The following XIRP2 variants were observed in gnomAD, a reference collection of about 807,000 sequenced individuals.
XIRP2 encodes the protein xin actin-binding repeat-containing protein 2.
Under a neutral mutation model 277.0 loss-of-function variants are expected in XIRP2, and 236 were observed. That is an observed-to-expected ratio of 0.85 (90% confidence interval 0.77 to 0.95). The LOEUF (loss-of-function observed/expected upper bound fraction) is 0.95, where lower values mean the gene tolerates loss of function less well. Ranked by LOEUF, XIRP2 falls within the 40% of genes least tolerant of loss-of-function variation. XIRP2 has a pLI of 0.00. For missense variants in XIRP2, 4,640 were observed against 4,157.5 expected (o/e 1.12, Z -3.19); for synonymous variants, 1,490 against 1,416.5 (o/e 1.05, Z -1.17).
intron 2 of XIRP2, among the ~76,000 whole-genome samples, chr2:167,052,208 C>A (rs548353024): frequency 6.6e-6 from 1 of 151,974 alleles, no homozygotes; most frequent in African/African-American, 2.4e-5. Context: ...TGTTCTTATT[C>A]TTTTTTTACA....
intron 2 of XIRP2, among the ~76,000 whole-genome samples, chr2:166,967,932 T>C (rs1283844773): frequency 2.0e-5 from 3 of 151,994 alleles, no homozygotes; most frequent in Non-Finnish European, 2.9e-5. Flanking sequence ...CCTTGTTCAA[T>C]CATAAGCCAT....
chr2:167,117,799 A>AT (rs768842461), intron 2 of XIRP2, among the ~76,000 whole-genome samples: 78 of 152,108 alleles, frequency 5.1e-4, no homozygotes, highest in Non-Finnish European at 8.4e-4. Context: ...AAGATGTTGA[A>AT]TTTTTTTCCC....
intron 2 of XIRP2, among the ~76,000 whole-genome samples, chr2:166,949,444 G>C (rs938557224): frequency 2.0e-5 from 3 of 152,038 alleles, no homozygotes; most frequent in Non-Finnish European, 4.4e-5. Context: ...TTGATAATTC[G>C]AGGTTGACTT....
intron 2 of XIRP2, among the ~76,000 whole-genome samples, chr2:167,031,227 C>T (rs556180030): frequency 2.6e-4 from 40 of 152,144 alleles, no homozygotes; most frequent in South Asian, 2.5e-3. Flanking sequence ...GAATTTGATT[C>T]TGTCATTATG....
At chr2:167,083,714 T>G (rs1689820198) in intron 2 of XIRP2, among the ~76,000 whole-genome samples, 1 of 152,232 alleles carries the variant, frequency 6.6e-6, no homozygotes, top group Non-Finnish European at 1.5e-5. Context: ...CAATTGTGAA[T>G]GGCAGTTCAC....
At chr2:167,092,376 C>T (rs1351847728) in intron 2 of XIRP2, among the ~76,000 whole-genome samples, 2 of 152,056 alleles carry the variant, frequency 1.3e-5, no homozygotes, top group African/African-American at 4.8e-5. Flanking sequence ...AAAGTCTTTA[C>T]CAATGAACTT....
intron 5 of XIRP2, among the ~76,000 whole-genome samples, chr2:167,225,321 A>AT (rs917292000): frequency 5.9e-5 from 9 of 152,120 alleles, no homozygotes; most frequent in Non-Finnish European, 1.0e-4. Context: ...AGGGATGTTG[A>AT]TTTTTTTCAA....
chr2:167,167,744 C>G (rs576551639), intron 3 of XIRP2, among the ~76,000 whole-genome samples: 1 of 152,060 alleles, frequency 6.6e-6, no homozygotes, highest in East Asian at 1.9e-4. Flanking sequence ...TACATTATTG[C>G]TATTATTATT....
At chr2:167,105,971 A>G (rs916213994) in intron 2 of XIRP2, among the ~76,000 whole-genome samples, 11 of 151,472 alleles carry the variant, frequency 7.3e-5, no homozygotes, top group Admixed American at 2.6e-4. Flanking sequence ...AATGCCTCTT[A>G]AGACTTTTGC....
At chr2:167,033,625 G>GAAAAC (rs528551814) in intron 2 of XIRP2, among the ~76,000 whole-genome samples, 292 of 151,682 alleles carry the variant, frequency 1.9e-3, no homozygotes, top group African/African-American at 6.6e-3. Flanking sequence ...TACAACAAGA[G>GAAAAC]AAAACAAAAC....
intron 2 of XIRP2, among the ~76,000 whole-genome samples, chr2:167,117,442 A>G (rs562438611): frequency 6.6e-6 from 1 of 152,344 alleles, no homozygotes; most frequent in East Asian, 1.9e-4. Flanking sequence ...AAAAAAAATC[A>G]TCCATTCACA....
intron 2 of XIRP2, among the ~76,000 whole-genome samples, chr2:166,941,949 G>A (rs148215081): frequency 2.1e-3 from 315 of 152,206 alleles, no homozygotes; most frequent in African/African-American, 6.7e-3. Context: ...GCAATATAAC[G>A]TATTTATCTG....
chr2:167,063,478 C>G (rs565426346), intron 2 of XIRP2, among the ~76,000 whole-genome samples: 2 of 151,960 alleles, frequency 1.3e-5, no homozygotes, highest in East Asian at 1.9e-4. Flanking sequence ...TGTACTTATT[C>G]TATCAATTAA....
intron 2 of XIRP2, among the ~76,000 whole-genome samples, chr2:167,110,951 T>C (rs1690734640): frequency 1.3e-5 from 2 of 152,138 alleles, no homozygotes; most frequent in Non-Finnish European, 2.9e-5. Context: ...TAGGATTGCA[T>C]TCCTGATTTG....
At chr2:167,165,993 AT>A (rs1692511596) in intron 3 of XIRP2, among the ~76,000 whole-genome samples, 2 of 152,166 alleles carry the variant, frequency 1.3e-5, no homozygotes, top group African/African-American at 2.4e-5. Context: ...TCCGTGATCC[AT>A]TAGAATTTTT....
intron 2 of XIRP2, among the ~76,000 whole-genome samples, chr2:166,980,211 G>A (rs1477121796): frequency 6.6e-6 from 1 of 151,666 alleles, no homozygotes; most frequent in Non-Finnish European, 1.5e-5. Context: ...ACCTAGTATT[G>A]GTAACTTATA....
At chr2:166,901,999 G>C (rs1684398836) in intron 1 of XIRP2, among the ~76,000 whole-genome samples, 1 of 151,956 alleles carries the variant, frequency 6.6e-6, no homozygotes, top group Non-Finnish European at 1.5e-5. Flanking sequence ...ACAGTTATTG[G>C]GGTGTTGAAT....
At chr2:167,056,108 C>T (rs1041355889) in intron 2 of XIRP2, among the ~76,000 whole-genome samples, 1 of 152,006 alleles carries the variant, frequency 6.6e-6, no homozygotes, top group Non-Finnish European at 1.5e-5. Context: ...GTTCCTCTTA[C>T]AGCACAAACA....
intron 2 of XIRP2, among the ~76,000 whole-genome samples, chr2:167,016,064 A>C (rs1687820396): frequency 6.6e-6 from 1 of 151,658 alleles, no homozygotes; most frequent in Admixed American, 6.6e-5. Context: ...CCAAGCCTCC[A>C]AGTTCACGTA....
Sources: gnomAD v4.1 joint callset for allele counts (sites outside exome capture counted in the v4.1 genomes callset) on GRCh38, gnomAD v4.1.1 for gene constraint, MANE v1.5 for transcripts, NCBI Gene and HGNC (gene_info 2026-07-23, HGNC 2026-07-21) for gene names.